BICRAL: variants seen among roughly 807,000 people sequenced by gnomAD.
BICRAL encodes BICRA like chromatin remodeling complex associated protein, also known as BRD4-interacting chromatin-remodeling complex-associated protein-like.
BICRAL carries 8 observed loss-of-function variants against 91.8 expected under a neutral mutation model. That is an observed-to-expected ratio of 0.09 (90% CI 0.05 to 0.16). The LOEUF is 0.16. BICRAL is among the 10% of genes least tolerant of loss of function. The probability of loss-of-function intolerance (pLI) is 1.00; values close to 1 mark genes in which losing one functional copy is unlikely to be tolerated. For synonymous variants in BICRAL, 445 were observed against 491.1 expected (o/e 0.91, Z 1.24); for missense variants, 1,038 against 1,310.9 (o/e 0.79, Z 3.21).
At position 42,860,298 on chromosome 6, in the gene BICRAL, T is replaced by A. The variant is rs1221027622; in HGVS notation, c.2291T>A (p.Leu764Gln). Residue 764 changes from leucine (L) to glutamine (Q), a missense_variant, in exon 11 of 13, where the codon CTA (leucine) becomes CAA (glutamine). Coordinates refer to ENST00000314073, the MANE Select transcript of BICRAL (RefSeq NM_001393499.1). ...TTTGAGACAGTTGCCACTCAGCTCCTAAAAAGGACCCAAGCTATGCTTAAC... is the reference window on the plus strand; with the variant it reads ...TTTGAGACAGTTGCCACTCAGCTCCAAAAAAGGACCCAAGCTATGCTTAAC... Reference protein sequence around the residue: ...NEFETVATQLLKRTQAMLNKY... With the variant: ...NEFETVATQLQKRTQAMLNKY... The A allele has an allele frequency of 6.2e-7, 1 of 1,611,264 alleles. No individual in the cohort carries two copies. Among genetic ancestry groups the A allele is most frequent in the South Asian group, 1.1e-5 (1 of 90,998 alleles).
chr6:42,836,313 CT>C (rs1242391867), intron 6 of BICRAL, among the ~76,000 whole-genome samples: 2 of 151,884 alleles, frequency 1.3e-5, no homozygotes, highest in African/African-American at 2.4e-5. Flanking sequence ...AGAAAAATAC[CT>C]TTTTCTCTCT....
chr6:42,783,156 C>CGCGGCGGCGGCGCGCACCT (rs1762979269), intron 1 of BICRAL, among the ~76,000 whole-genome samples: 1 of 151,464 alleles, frequency 6.6e-6, no homozygotes, highest in Non-Finnish European at 1.5e-5. Flanking sequence ...GCTCCGAGCC[C>CGCGGCGGCGGCGCGCACCT]GCGGCGGCGG....
At chr6:42,839,684 C>A (rs1052440695) in intron 6 of BICRAL, among the ~76,000 whole-genome samples, 1 of 152,018 alleles carries the variant, frequency 6.6e-6, no homozygotes, top group East Asian at 1.9e-4. Context: ...ATCATGTATT[C>A]TTTCTGTATT....
At chr6:42,781,960 A>AGC (rs1205417961), upstream of BICRAL, 1 of 146,054 alleles carries the variant, frequency 6.8e-6, no homozygotes, top group Admixed American at 6.8e-5. Context: ...CGAGAGAGAG[A>AGC]GCGGAGCGCG....
At chr6:42,812,727 G>T (rs59380173) in intron 2 of BICRAL, among the ~76,000 whole-genome samples, 1 of 151,832 alleles carries the variant, frequency 6.6e-6, no homozygotes, top group African/African-American at 2.4e-5. Context: ...AATGAAAGCC[G>T]GAGAGATTAA....
At chr6:42,804,821 A>G (rs1763665234) in intron 1 of BICRAL, among the ~76,000 whole-genome samples, 1 of 152,174 alleles carries the variant, frequency 6.6e-6, no homozygotes, top group Non-Finnish European at 1.5e-5. Flanking sequence ...GTGCTGTCTC[A>G]TCAGCACTCT....
intron 6 of BICRAL, among the ~76,000 whole-genome samples, chr6:42,836,745 CT>C (rs1764648495): frequency 6.6e-6 from 1 of 150,906 alleles, no homozygotes; most frequent in African/African-American, 2.4e-5. Flanking sequence ...CCTCAGGCTC[CT>C]GAGTAGCTGA....
chr6:42,763,769 C>T (rs1762591404), intron 1 of BICRAL, among the ~76,000 whole-genome samples: 1 of 151,486 alleles, frequency 6.6e-6, no homozygotes, highest in African/African-American at 2.4e-5. Context: ...TGCAGTGAGC[C>T]AAGATTACAC....
intron 6 of BICRAL, among the ~76,000 whole-genome samples, chr6:42,851,800 TC>T (rs1231946295): frequency 6.6e-6 from 1 of 152,132 alleles, no homozygotes; most frequent in Non-Finnish European, 1.5e-5. Flanking sequence ...TGCAGCTTTT[TC>T]ATCTGAGCAC....
Position 42,847,026 on chromosome 6 carries a change from G to A in BICRAL, c.1840-5066G>A, listed in dbSNP as rs141784679. Among the ~76,000 whole-genome samples, 23 of 152,286 alleles carry A rather than the reference G, an allele frequency of 1.5e-4. No homozygotes were observed. In the East Asian group the frequency reaches 4.4e-3, roughly 29 times the overall value. ...TGCCTTTAATCTCCGCACTTAGAGG[G>A]GCTGAGGTGAGCAGATCACTTCAGA... On this transcript the variant is annotated intron_variant, in intron 6 of 12. Coordinates refer to ENST00000314073, the MANE Select transcript of BICRAL (RefSeq NM_001393499.1).
intron 6 of BICRAL, among the ~76,000 whole-genome samples, chr6:42,841,250 ACG>A (rs1764789771): frequency 1.5e-5 from 2 of 131,236 alleles, no homozygotes; most frequent in African/African-American, 3.0e-5. Context: ...GTGCAGTGGC[ACG>A]ATCTTGGCTC....
chr6:42,828,917 G>C lies in BICRAL; in HGVS notation c.584G>C (p.Ser195Thr). The stretch of plus-strand genomic sequence containing the variant: ...GGCTTTATGCAACATGTGGGGATCA[G>C]TGTTCCCAGCCAGCATTTGTCTAAT... ...QHGFMQHVGISVPSQHLSNSS... is the reference protein window; with the variant it reads ...QHGFMQHVGITVPSQHLSNSS... Residue 195 changes from serine (S) to threonine (T), a missense_variant, in exon 6 of 13, where the codon AGT (serine) becomes ACT (threonine). By Grantham distance (58) the Ser-to-Thr change is moderately conservative. Transcript: ENST00000314073. 6.2e-7 allele frequency: 1 copy of C among 1,614,090 alleles called. No homozygotes were observed. Among genetic ancestry groups the C allele is most frequent in the Non-Finnish European group, 8.5e-7 (1 of 1,179,910 alleles).
intron 1 of BICRAL, among the ~76,000 whole-genome samples, chr6:42,784,549 C>T (rs1395295322): frequency 1.3e-5 from 2 of 152,120 alleles, no homozygotes; most frequent in African/African-American, 4.8e-5. Context: ...GTGCCTGATG[C>T]TTTGTATAAT....
intron 1 of BICRAL, among the ~76,000 whole-genome samples, chr6:42,799,327 C>G (rs1487366929): frequency 1.4e-5 from 2 of 140,412 alleles, no homozygotes; most frequent in Non-Finnish European, 3.0e-5. Flanking sequence ...GAGATGGAGT[C>G]TTGCTCTGTC....
At chr6:42,783,054 A>G (rs1158241164) in intron 1 of BICRAL, among the ~76,000 whole-genome samples, 1 of 151,620 alleles carries the variant, frequency 6.6e-6, no homozygotes, top group Non-Finnish European at 1.5e-5. Flanking sequence ...TTCCCGCCGC[A>G]TCTGCGGGCG....
intron 6 of BICRAL, among the ~76,000 whole-genome samples, chr6:42,837,819 C>T (rs959289317): frequency 2.6e-5 from 4 of 152,038 alleles, no homozygotes; most frequent in African/African-American, 7.2e-5. Flanking sequence ...TTTCCCTCCT[C>T]GTCTCGTTGC....
intron 1 of BICRAL, among the ~76,000 whole-genome samples, chr6:42,792,057 G>A (rs1232768705): frequency 6.6e-6 from 1 of 152,126 alleles, no homozygotes; most frequent in Non-Finnish European, 1.5e-5. Flanking sequence ...AGAAAAAAAT[G>A]GTGCACCTGT....
At position 42,866,431 on chromosome 6, in the gene BICRAL, C is replaced by T. The variant is rs1217732276; in HGVS notation, c.*985C>T. 1 of 171,754 alleles carries T rather than the reference C, an allele frequency of 5.8e-6. No homozygotes were observed. The highest frequency in any genetic ancestry group is 2.4e-5 in the African/African-American group (1 of 41,884). The allele number at this position is 171,754 out of a possible 1,614,324, so 10.6% of individuals were successfully genotyped here. A position where few individuals can be genotyped will look rare whatever the true frequency, so the allele number is the denominator to read the frequency against. ...TTTTGTTTGTTGCTGGATTTTGTTT[C>T]ATTTAACCTCTCTTTGCACCCTCTC... On this transcript the variant is annotated 3_prime_UTR_variant, in exon 13 of 13. Coordinates refer to ENST00000314073, the MANE Select transcript of BICRAL (RefSeq NM_001393499.1).
At chr6:42,853,155 C>T (rs1308532368) in intron 7 of BICRAL, among the ~76,000 whole-genome samples, 2 of 149,816 alleles carry the variant, frequency 1.3e-5, no homozygotes, top group African/African-American at 4.9e-5. Context: ...GTTTGGAATT[C>T]TCCACCCAGA....
Sources: allele counts gnomAD v4.1 joint callset (sites outside exome capture counted in the v4.1 genomes callset), GRCh38; gene constraint gnomAD v4.1.1; transcripts MANE v1.5; gene names NCBI Gene and HGNC (gene_info 2026-07-23, HGNC 2026-07-21).